BMPR1B: variants seen among roughly 807,000 people sequenced by gnomAD.
The protein encoded by BMPR1B is bone morphogenetic protein receptor type-1B.
In BMPR1B, 12 loss-of-function variants were observed where a neutral mutation model predicts 59.1. The ratio of observed to expected loss-of-function variants is 0.20; its 90% CI spans 0.13 to 0.33. BMPR1B has a LOEUF of 0.33. BMPR1B is among the 10% of genes least tolerant of loss of function. BMPR1B has a pLI of 1.00. For synonymous variants in BMPR1B, 237 were observed against 207.3 expected, an observed-to-expected ratio of 1.14 and a Z score of -1.23; for missense variants, 550 against 610.9, an observed-to-expected ratio of 0.90 and a Z score of 1.05.
chr4:94,892,662 C>T (rs1260203638), intron 2 of BMPR1B, among the ~76,000 whole-genome samples: 1 of 152,014 alleles, frequency 6.6e-6, no homozygotes, highest in African/African-American at 2.4e-5. Context: ...GATACTTGAA[C>T]TGGACCTTTA....
intron 2 of BMPR1B, among the ~76,000 whole-genome samples, chr4:94,955,996 A>G (rs1560566347): frequency 6.6e-6 from 1 of 152,198 alleles, no homozygotes; most frequent in African/African-American, 2.4e-5. Flanking sequence ...TTTATAAATG[A>G]GGAATCAGAT....
intron 1 of BMPR1B, among the ~76,000 whole-genome samples, chr4:94,804,230 C>T (rs1723519493): frequency 6.6e-6 from 1 of 152,162 alleles, no homozygotes; most frequent in Non-Finnish European, 1.5e-5. Flanking sequence ...TGACAGATAA[C>T]ATTGACCCAG....
In BMPR1B at chr4:94,908,061, TAAAAAAAAAAAA is replaced by T. The variant is rs571793477; in HGVS notation, c.-113+32179_-113+32190del. Among the ~76,000 whole-genome samples, 145 of 46,256 alleles carry T rather than the reference TAAAAAAAAAAAA, an allele frequency of 3.1e-3. 2 individuals are homozygous for T. The highest frequency in any genetic ancestry group is 0.01 in the African/African-American group (140 of 13,808). The allele number at this position is 46,256 out of a possible 152,430, so 30.3% of individuals were successfully genotyped here. A position where few individuals can be genotyped will look rare whatever the true frequency, so the allele number is the denominator to read the frequency against. ...GGGCAATGCAGTGAGACCCTGTCTT[TAAAAAAAAAAAA>T]AAAAAAAAAAAAAAAAAGAAAAAAC... On this transcript the variant is annotated intron_variant, in intron 2 of 12. Coordinates refer to ENST00000515059, the MANE Select transcript of BMPR1B (RefSeq NM_001203.3).
intron 3 of BMPR1B, among the ~76,000 whole-genome samples, chr4:95,017,198 C>A (rs1420588631): frequency 1.3e-5 from 2 of 152,190 alleles, no homozygotes; most frequent in Non-Finnish European, 2.9e-5. Flanking sequence ...GCAAGCCATG[C>A]AAGCAGCTCT....
rs67483429 is a variant in BMPR1B, at chr4:95,150,454, GAAA to G, written c.1252+1545_1252+1547del. 2.6e-3 allele frequency among the ~76,000 whole-genome samples: 343 copies of G among 130,922 alleles called. 2 individuals are homozygous for G. Among genetic ancestry groups the G allele is most frequent in the South Asian group, 8.9e-3 (34 of 3,830 alleles). The allele number at this position is 130,922 out of a possible 152,430, so 85.9% of individuals were successfully genotyped here. A position where few individuals can be genotyped will look rare whatever the true frequency, so the allele number is the denominator to read the frequency against. On this transcript the variant is annotated intron_variant, in intron 11 of 12. Coordinates refer to ENST00000515059, the MANE Select transcript of BMPR1B (RefSeq NM_001203.3). ...TTGGGACCCAGTCTGTATTTAAAAA[GAAA>G]AAAAAAAAAAAAACAAGTAGACGAG...
At chr4:94,870,811 A>G (rs1726456877) in intron 1 of BMPR1B, among the ~76,000 whole-genome samples, 1 of 152,112 alleles carries the variant, frequency 6.6e-6, no homozygotes, top group South Asian at 2.1e-4. Context: ...TGTTACAAAG[A>G]AGGGTACCCT....
intron 1 of BMPR1B, among the ~76,000 whole-genome samples, chr4:94,797,042 A>G (rs1407439578): frequency 6.6e-6 from 1 of 152,176 alleles, no homozygotes; most frequent in Admixed American, 6.5e-5. Context: ...AAAGAGGTTT[A>G]ATTGGACTTA....
At chr4:94,910,589 T>C (rs1728234772) in intron 2 of BMPR1B, among the ~76,000 whole-genome samples, 1 of 152,066 alleles carries the variant, frequency 6.6e-6, no homozygotes, top group Non-Finnish European at 1.5e-5. Flanking sequence ...TTATTTCTAT[T>C]GTACCGTGAA....
chr4:95,121,594 A>T (rs989438648), intron 6 of BMPR1B, among the ~76,000 whole-genome samples: 5 of 152,250 alleles, frequency 3.3e-5, no homozygotes, highest in Admixed American at 2.0e-4. Context: ...TATGCATATT[A>T]TACATAAATA....
At chr4:94,896,586 C>T (rs951891547) in intron 2 of BMPR1B, among the ~76,000 whole-genome samples, 2 of 151,876 alleles carry the variant, frequency 1.3e-5, no homozygotes, top group African/African-American at 4.8e-5. Flanking sequence ...ATATAAAATA[C>T]CTATGAATTG....
At chr4:95,132,459 T>C (rs1733429194) in intron 10 of BMPR1B, among the ~76,000 whole-genome samples, 1 of 152,172 alleles carries the variant, frequency 6.6e-6, no homozygotes, top group African/African-American at 2.4e-5. Flanking sequence ...TTTAATAACA[T>C]ACCCCAAATA....
At chr4:94,926,314 T>C (rs1728890221) in intron 2 of BMPR1B, among the ~76,000 whole-genome samples, 1 of 152,058 alleles carries the variant, frequency 6.6e-6, no homozygotes, top group African/African-American at 2.4e-5. Flanking sequence ...CAGACTCTTC[T>C]TGGTCTTATC....
intron 2 of BMPR1B, among the ~76,000 whole-genome samples, chr4:94,929,601 T>A (rs1729016882): frequency 6.6e-6 from 1 of 152,130 alleles, no homozygotes; most frequent in African/African-American, 2.4e-5. Flanking sequence ...CAAGTTTCTC[T>A]ATTTCCTCTG....
chr4:95,095,741 A>G (rs1462896400), intron 3 of BMPR1B, among the ~76,000 whole-genome samples: 1 of 152,046 alleles, frequency 6.6e-6, no homozygotes, highest in East Asian at 1.9e-4. Flanking sequence ...TGCATTACAT[A>G]TTGAATTTAA....
intron 2 of BMPR1B, among the ~76,000 whole-genome samples, chr4:94,981,242 T>C (rs1316392422): frequency 6.6e-6 from 1 of 151,788 alleles, no homozygotes; most frequent in Non-Finnish European, 1.5e-5. Flanking sequence ...TATGCTCTAT[T>C]GCCCAGTTTG....
At chr4:94,848,900 C>T (rs1725454643) in intron 1 of BMPR1B, among the ~76,000 whole-genome samples, 3 of 152,054 alleles carry the variant, frequency 2.0e-5, no homozygotes, top group Admixed American at 2.0e-4. Context: ...AGGATTTTTC[C>T]AGATGACATG....
intron 3 of BMPR1B, among the ~76,000 whole-genome samples, chr4:95,096,084 TAATAATATAA>T (rs1730355876): frequency 6.7e-6 from 1 of 150,334 alleles, no homozygotes; most frequent in African/African-American, 2.4e-5. Context: ...TATGAGTATA[TAATAATATAA>T]AATAATATAG....
chr4:94,852,430 TAAAG>T lies in BMPR1B; in HGVS notation c.-182-23398_-182-23395del, dbSNP rs539209851. The stretch of plus-strand genomic sequence containing the variant: ...TATAATTAACCAGTCATTTATAGAT[TAAAG>T]AATCTAAATTGATAAGCTATATTTT... On this transcript the variant is annotated intron_variant, in intron 1 of 12. Coordinates refer to ENST00000515059, the MANE Select transcript of BMPR1B (RefSeq NM_001203.3). Among the ~76,000 whole-genome samples the T allele has an allele frequency of 6.7e-3, 1,027 of 152,238 alleles. 12 individuals are homozygous for T. The highest frequency in any genetic ancestry group is 9.3e-3 in the Non-Finnish European group (632 of 67,986).
At chr4:95,109,610 GATCT>G (rs1172611345) in intron 4 of BMPR1B, among the ~76,000 whole-genome samples, 1 of 151,918 alleles carries the variant, frequency 6.6e-6, no homozygotes, top group African/African-American at 2.4e-5. Flanking sequence ...TTTAAATATT[GATCT>G]ATTTAATTAT....
Sources: allele counts gnomAD v4.1 joint callset (sites outside exome capture counted in the v4.1 genomes callset), GRCh38; gene constraint gnomAD v4.1.1; transcripts MANE v1.5; gene names NCBI Gene and HGNC (gene_info 2026-07-23, HGNC 2026-07-21).